MYO16: variants seen among roughly 807,000 people sequenced by gnomAD.
MYO16 encodes myosin XVI.
In MYO16, 94 loss-of-function variants were observed where a neutral mutation model predicts 205.3. That is an observed-to-expected ratio of 0.46 (90% CI 0.39 to 0.54). The LOEUF is 0.54. Ranked by LOEUF, MYO16 falls within the 20% of genes least tolerant of loss-of-function variation. The probability of loss-of-function intolerance (pLI) is 0.00; values close to 1 mark genes in which losing one functional copy is unlikely to be tolerated. For missense variants in MYO16, 2,315 were observed against 2,387.5 expected (o/e 0.97, Z 0.63); for synonymous variants, 988 against 954.0 (o/e 1.04, Z -0.66).
intron 22 of MYO16, 151 bp downstream of exon 22, chr13:109,009,200 G>T: frequency 1.7e-6 from 1 of 581,234 alleles, no homozygotes; most frequent in African/African-American, 1.9e-5. Context: ...AGGTGCACAA[G>T]TTATCTTTTT....
In MYO16 at chr13:108,666,159, A is replaced by T. The variant is rs1382965054; in HGVS notation, c.292+10A>T. 3 of 1,581,592 alleles carry T rather than the reference A, an allele frequency of 1.9e-6. No individual in the cohort carries two copies. Among genetic ancestry groups the T allele is most frequent in the Non-Finnish European group, 2.6e-6 (3 of 1,156,710 alleles). On this transcript the variant is annotated intron_variant, in intron 2 of 34. Transcript: ENST00000457511. ...CACAATGACAAAGAAGGTACATGATAAGAAAGAAGGACCCGTTTTCTGATG... is the reference window on the plus strand; with the variant it reads ...CACAATGACAAAGAAGGTACATGATTAGAAAGAAGGACCCGTTTTCTGATG...
the MYO16 span, among the ~76,000 whole-genome samples, chr13:108,569,417 C>T: frequency 1.3e-5 from 2 of 152,022 alleles, no homozygotes; most frequent in African/African-American, 4.8e-5. Context: ...AGTTCTGATG[C>T]TGTTGCCAAT....
At chr13:108,591,304 G>A (rs1878392396), upstream of MYO16, among the ~76,000 whole-genome samples, 2 of 152,186 alleles carry the variant, frequency 1.3e-5, no homozygotes, top group South Asian at 4.1e-4. Context: ...ATGTGTAAGA[G>A]CTTCAGTCTC....
rs146648643 is a variant in MYO16 at position 108,868,871 on chromosome 13, G to C, written c.1425+2629G>C. ...GGTGGCAGAGGTTGCAGTGAGCCGA[G>C]ATCGTGCCACTGCACTCCAGGCTGG... On this transcript the variant is annotated intron_variant, in intron 12 of 34. Transcript: ENST00000457511. Among the ~76,000 whole-genome samples the C allele has an allele frequency of 5.3e-3, 786 of 148,106 alleles. 7 individuals are homozygous for C. The highest frequency in any genetic ancestry group is 0.018 in the African/African-American group (723 of 39,964).
At chr13:108,999,861 T>C (rs957409013) in intron 21 of MYO16, among the ~76,000 whole-genome samples, 58 of 152,206 alleles carry the variant, frequency 3.8e-4, no homozygotes, top group African/African-American at 1.4e-3. Flanking sequence ...TAAACTTCAC[T>C]TGATGCCCCT....
chr13:108,951,508 G>A (rs1883149357), intron 16 of MYO16, among the ~76,000 whole-genome samples: 1 of 152,126 alleles, frequency 6.6e-6, no homozygotes, highest in Non-Finnish European at 1.5e-5. Flanking sequence ...TTAAATACCT[G>A]TTGAAATTAT....
chr13:109,114,774 G>A (rs899164785), intron 28 of MYO16, among the ~76,000 whole-genome samples: 1 of 152,174 alleles, frequency 6.6e-6, no homozygotes, highest in African/African-American at 2.4e-5. Flanking sequence ...CATGTGACCT[G>A]AGCTTTCTCC....
At chr13:108,645,851 C>T (rs527456345) in intron 1 of MYO16, among the ~76,000 whole-genome samples, 51 of 152,308 alleles carry the variant, frequency 3.3e-4, no homozygotes, top group African/African-American at 5.8e-4. Flanking sequence ...AAAGACTTGA[C>T]GCTGGATCCA....
intron 2 of MYO16, among the ~76,000 whole-genome samples, chr13:108,709,057 T>C (rs1358043705): frequency 7.3e-6 from 1 of 137,036 alleles, no homozygotes; most frequent in African/African-American, 2.8e-5. Context: ...AAGCCACAAA[T>C]ATACAATAAA....
At chr13:109,019,947 C>T in intron 23 of MYO16, 36 bp downstream of exon 23, 2 of 1,593,130 alleles carry the variant, frequency 1.3e-6, no homozygotes, top group Non-Finnish European at 1.7e-6. Context: ...TTCATGTGCA[C>T]TAATGATCAA....
At chr13:109,008,012 T>C (rs1885456847) in intron 21 of MYO16, among the ~76,000 whole-genome samples, 1 of 152,208 alleles carries the variant, frequency 6.6e-6, no homozygotes, top group South Asian at 2.1e-4. Context: ...GGAAATATTT[T>C]AAATGCTCAA....
intron 12 of MYO16, among the ~76,000 whole-genome samples, chr13:108,869,161 C>A (rs952038859): frequency 7.9e-5 from 12 of 152,024 alleles, no homozygotes; most frequent in Non-Finnish European, 1.8e-4. Context: ...TGAGGGGACT[C>A]CCCCTAGGAT....
At chr13:108,823,651 A>T (rs539718721) in intron 9 of MYO16, among the ~76,000 whole-genome samples, 28 of 150,966 alleles carry the variant, frequency 1.9e-4, no homozygotes, top group Non-Finnish European at 3.4e-4. Flanking sequence ...TAAGCATAAA[A>T]CTAATCATTT....
chr13:108,842,322 A>G (rs1005454645), intron 9 of MYO16, among the ~76,000 whole-genome samples: 1 of 152,292 alleles, frequency 6.6e-6, no homozygotes, highest in African/African-American at 2.4e-5. Context: ...CCATATACTT[A>G]GGTATATATA....
chr13:108,657,443 T>C (rs1053975366), intron 1 of MYO16, among the ~76,000 whole-genome samples: 1 of 152,214 alleles, frequency 6.6e-6, no homozygotes, highest in African/African-American at 2.4e-5. Flanking sequence ...TATACTATTT[T>C]GTGTTTGTTT....
chr13:108,594,996 G>A (rs1298212866), upstream of MYO16, among the ~76,000 whole-genome samples: 1 of 152,118 alleles, frequency 6.6e-6, no homozygotes, highest in African/African-American at 2.4e-5. Flanking sequence ...AAGACACAGT[G>A]AATTCTGGCT....
At chr13:108,510,556 C>G in the MYO16 span, among the ~76,000 whole-genome samples, 1,063 of 84,788 alleles carry the variant, frequency 0.013, 38 homozygotes, top group African/African-American at 0.048. Context: ...ATGTGCCATG[C>G]TGGTGCACTG....
intron 28 of MYO16, among the ~76,000 whole-genome samples, chr13:109,116,311 A>G (rs1450452588): frequency 6.6e-6 from 1 of 152,064 alleles, no homozygotes; most frequent in African/African-American, 2.4e-5. Context: ...CCTTGGTTGT[A>G]CCTCAGCAGT....
At chr13:109,150,505 A>C (rs1877598561) in intron 32 of MYO16, among the ~76,000 whole-genome samples, 1 of 152,228 alleles carries the variant, frequency 6.6e-6, no homozygotes, top group African/African-American at 2.4e-5. Flanking sequence ...GAATTGCATG[A>C]ACTGTCCTGA....
Sources: gnomAD v4.1 joint callset for allele counts (sites outside exome capture counted in the v4.1 genomes callset) on GRCh38, gnomAD v4.1.1 for gene constraint, MANE v1.5 for transcripts, NCBI Gene and HGNC (gene_info 2026-07-23, HGNC 2026-07-21) for gene names.